LZTFL1: variants seen among roughly 807,000 people sequenced by gnomAD.
The protein encoded by LZTFL1 is leucine zipper transcription factor like 1, also known as leucine zipper transcription factor-like protein 1.
LZTFL1 carries 25 observed loss-of-function variants against 45.9 expected under a neutral mutation model. The observed-to-expected ratio is 0.54, with a 90% confidence interval of 0.40 to 0.76. The LOEUF (loss-of-function observed/expected upper bound fraction) is 0.76. Ranked by LOEUF, LZTFL1 falls within the 30% of genes least tolerant of loss-of-function variation. The probability of loss-of-function intolerance (pLI) is 0.00; values close to 1 mark genes in which losing one functional copy is unlikely to be tolerated. For synonymous variants in LZTFL1, 93 were observed against 117.4 expected, an observed-to-expected ratio of 0.79 and a Z score of 1.35; for missense variants, 277 against 331.1, an observed-to-expected ratio of 0.84 and a Z score of 1.27.
chr3:45,841,583 C>G (rs191298638), intron 1 of LZTFL1: 12 of 200,662 alleles, frequency 6.0e-5, no homozygotes, highest in Non-Finnish European at 1.1e-4. Context: ...GAGTGAGAAC[C>G]CTGCGTATGT....
Position 45,896,755 on chromosome 3 carries a change from AT to A in LZTFL1, c.-215+16364del, listed in dbSNP as rs1168199581. ...CAGAGTCCCTGCTGATAACAAATTCATTTTTTCCCCACCTCCCTCCTTCTTG... is the reference window on the plus strand; with the variant it reads ...CAGAGTCCCTGCTGATAACAAATTCATTTTTCCCCACCTCCCTCCTTCTTG... On this transcript the variant is annotated intron_variant, in intron 2 of 4. Transcript: ENST00000472635. Among the ~76,000 whole-genome samples the A allele has an allele frequency of 3.3e-5, 5 of 151,978 alleles. No homozygotes were observed. In the South Asian group the frequency reaches 1.0e-3, roughly 32 times the overall value.
intron 9 of LZTFL1, 114 bp downstream of exon 9, chr3:45,827,242 T>G (rs1284654969): frequency 2.5e-6 from 2 of 793,444 alleles, no homozygotes; most frequent in East Asian, 4.9e-5. Context: ...GCTTCTGGAC[T>G]AAATGATCCA....
At chr3:45,834,353 A>G in intron 3 of LZTFL1, 55 bp from the exon 4 acceptor site, 1 of 1,182,928 alleles carries the variant, frequency 8.5e-7, no homozygotes, top group South Asian at 1.3e-5. Context: ...TTTATATCAC[A>G]CGCAAGAAGA....
chr3:45,878,917 C>T (rs532979999), intron 2 of LZTFL1, among the ~76,000 whole-genome samples: 7 of 152,268 alleles, frequency 4.6e-5, no homozygotes, highest in East Asian at 1.9e-4. Flanking sequence ...GGGAAATAAG[C>T]GTATGAAAAT....
intron 2 of LZTFL1, among the ~76,000 whole-genome samples, chr3:45,867,286 T>G (rs1389524570): frequency 6.6e-6 from 1 of 152,154 alleles, no homozygotes; most frequent in Non-Finnish European, 1.5e-5. Flanking sequence ...TCTCAAGGTG[T>G]TGTTAAAATT....
Position 45,835,576 on chromosome 3 carries a change from T to A in LZTFL1, c.323+14A>T. On this transcript the variant is annotated intron_variant, in intron 3 of 9. Coordinates refer to ENST00000296135, the MANE Select transcript of LZTFL1 (RefSeq NM_020347.4). ...GGCCATTATTGTCACAGTTGCAAGTTCAAATTTTATTACCGGTTTTCAAGT... is the reference window on the plus strand; with the variant it reads ...GGCCATTATTGTCACAGTTGCAAGTACAAATTTTATTACCGGTTTTCAAGT... 6.2e-7 allele frequency: 1 copy of A among 1,612,196 alleles called. No individual in the cohort carries two copies. Among genetic ancestry groups the A allele is most frequent in the Non-Finnish European group, 8.5e-7 (1 of 1,178,484 alleles).
intron 2 of LZTFL1, chr3:45,902,304 C>T (rs952393284): frequency 1.1e-5 from 2 of 179,802 alleles, no homozygotes; most frequent in African/African-American, 4.8e-5. Context: ...GCTGCTGCTA[C>T]AGACCGCAAA....
Position 45,826,245 on chromosome 3 carries a change from A to C in LZTFL1, c.*69T>G. On this transcript the variant is annotated 3_prime_UTR_variant, in exon 10 of 10. Coordinates refer to ENST00000296135, the MANE Select transcript of LZTFL1 (RefSeq NM_020347.4). ...GAGGGGATATGACAAAATGCTTTTCAAAATACATGCCTGAGGTGAGACTGC... is the reference window on the plus strand; with the variant it reads ...GAGGGGATATGACAAAATGCTTTTCCAAATACATGCCTGAGGTGAGACTGC... The C allele has an allele frequency of 1.4e-6, 2 of 1,418,124 alleles. No homozygotes were observed. Among genetic ancestry groups the C allele is most frequent in the Admixed American group, 3.6e-5 (2 of 55,446 alleles). The allele number at this position is 1,418,124 out of a possible 1,614,324, so 87.8% of individuals were successfully genotyped here.
intron 4 of LZTFL1, among the ~76,000 whole-genome samples, chr3:45,853,543 C>G (rs1247776103): frequency 1.3e-5 from 2 of 152,132 alleles, no homozygotes; most frequent in Non-Finnish European, 2.9e-5. Context: ...CTAGGACACC[C>G]ATGTATTTTC....
chr3:45,828,732 G>T, intron 7 of LZTFL1, 117 bp from the exon 8 acceptor site: 4 of 902,998 alleles, frequency 4.4e-6, no homozygotes, highest in Non-Finnish European at 6.7e-6. Context: ...TTGTGTGCAT[G>T]CCAGCCTCCC....
chr3:45,834,108 C>G, intron 4 of LZTFL1, 130 bp downstream of exon 4: 1 of 592,074 alleles, frequency 1.7e-6, no homozygotes, highest in South Asian at 2.4e-5. Context: ...TAGACAATTT[C>G]TGAATTTTAC....
chr3:45,843,965 C>T (rs1701177661), upstream of LZTFL1, among the ~76,000 whole-genome samples: 1 of 151,970 alleles, frequency 6.6e-6, no homozygotes, highest in Non-Finnish European at 1.5e-5. Context: ...ATTGCTGTGA[C>T]AGTTTTTTAA....
intron 4 of LZTFL1, among the ~76,000 whole-genome samples, chr3:45,854,068 C>T (rs558013327): frequency 2.0e-5 from 3 of 152,330 alleles, no homozygotes; most frequent in African/African-American, 7.2e-5. Context: ...TCCTCCTTTA[C>T]AGTTTCCTGG....
chr3:45,864,833 A>G (rs1057301575), intron 2 of LZTFL1, among the ~76,000 whole-genome samples: 1 of 152,162 alleles, frequency 6.6e-6, no homozygotes, highest in Admixed American at 6.5e-5. Flanking sequence ...CAATGTGGTA[A>G]ATTTTCTAAC....
At chr3:45,912,207 T>C (rs1702807229) in intron 2 of LZTFL1, among the ~76,000 whole-genome samples, 1 of 152,262 alleles carries the variant, frequency 6.6e-6, no homozygotes, top group Non-Finnish European at 1.5e-5. Flanking sequence ...CGTGTGTTTT[T>C]GCGTACTTGT....
chr3:45,874,020 C>T (rs1050833810), intron 2 of LZTFL1, among the ~76,000 whole-genome samples: 1 of 152,164 alleles, frequency 6.6e-6, no homozygotes, highest in African/African-American at 2.4e-5. Flanking sequence ...CATATGGGGG[C>T]CTCATCCACT....
In LZTFL1 at chr3:45,838,064, G is replaced by C; in HGVS notation, c.4-13C>G. On this transcript the variant is annotated splice_polypyrimidine_tract_variant and intron_variant, in intron 1 of 9. Transcript: ENST00000296135. ...GGCCCAACTCTGCCTGAAAAAGAAA[G>C]AGGTAATTTAATTGTTAGTTTTGAA... is the stretch of plus-strand genomic sequence containing the variant. The C allele has an allele frequency of 5.7e-6, 9 of 1,582,430 alleles. No individual in the cohort carries two copies. The highest frequency in any genetic ancestry group is 7.7e-6 in the Non-Finnish European group (9 of 1,169,046).
intron 2 of LZTFL1, among the ~76,000 whole-genome samples, chr3:45,860,344 G>A (rs1701465463): frequency 6.6e-6 from 1 of 152,034 alleles, no homozygotes; most frequent in African/African-American, 2.4e-5. Flanking sequence ...ATATAGGCAT[G>A]TGCAAGAATG....
At chr3:45,870,640 C>G (rs1470631476) in intron 2 of LZTFL1, among the ~76,000 whole-genome samples, 2 of 152,144 alleles carry the variant, frequency 1.3e-5, no homozygotes, top group Non-Finnish European at 2.9e-5. Flanking sequence ...TTAAGACAAG[C>G]AACAGATTTT....
Sources: gnomAD v4.1 joint callset for allele counts (sites outside exome capture counted in the v4.1 genomes callset) on GRCh38, gnomAD v4.1.1 for gene constraint, MANE v1.5 for transcripts, NCBI Gene and HGNC (gene_info 2026-07-23, HGNC 2026-07-21) for gene names.